C8orf34: variants seen among roughly 807,000 people sequenced by gnomAD.
C8orf34 encodes chromosome 8 open reading frame 34.
C8orf34 carries 65 observed loss-of-function variants against 68.3 expected under a neutral mutation model. That is an observed-to-expected ratio of 0.95 (90% CI 0.78 to 1.17). The LOEUF (loss-of-function observed/expected upper bound fraction) is 1.17, where lower values mean the gene tolerates loss of function less well. C8orf34 is among the 50% of genes most tolerant of loss of function. The probability of loss-of-function intolerance (pLI) is 0.00; values close to 1 mark genes in which losing one functional copy is unlikely to be tolerated. For synonymous variants in C8orf34, 244 were observed against 241.2 expected, an observed-to-expected ratio of 1.01 and a Z score of -0.11; for missense variants, 664 against 655.4, an observed-to-expected ratio of 1.01 and a Z score of -0.14.
chr8:68,397,695 G>A (rs1037719302), intron 1 of C8orf34, among the ~76,000 whole-genome samples: 28 of 151,992 alleles, frequency 1.8e-4, no homozygotes, highest in East Asian at 9.7e-4. Flanking sequence ...ACATTTTTAC[G>A]TTTGAAACAA....
At chr8:68,731,827 G>A (rs17389337) in intron 10 of C8orf34, among the ~76,000 whole-genome samples, 1 of 152,064 alleles carries the variant, frequency 6.6e-6, no homozygotes. Context: ...ACATAGAGTT[G>A]CCATACGTGA....
At chr8:68,527,722 A>G (rs1053916052) in intron 6 of C8orf34, among the ~76,000 whole-genome samples, 2 of 152,218 alleles carry the variant, frequency 1.3e-5, no homozygotes, top group African/African-American at 4.8e-5. Flanking sequence ...GTCTCTCTTC[A>G]GAAAGCTGTT....
chr8:68,757,520 C>T (rs189661027), intron 10 of C8orf34, among the ~76,000 whole-genome samples: 1,720 of 152,164 alleles, frequency 0.011, 29 homozygotes, highest in African/African-American at 0.037. Flanking sequence ...GTCCCAGCTT[C>T]TGAGGCAGGT....
chr8:68,403,265 T>G (rs1196563237), intron 1 of C8orf34, among the ~76,000 whole-genome samples: 1 of 152,214 alleles, frequency 6.6e-6, no homozygotes, highest in African/African-American at 2.4e-5. Context: ...CCTTACTGTC[T>G]TGCTCATTCT....
chr8:68,620,809 A>T (rs11783166), intron 7 of C8orf34, among the ~76,000 whole-genome samples: 47,259 of 151,398 alleles, frequency 0.31, 8,840 homozygotes, highest in Non-Finnish European at 0.41. Context: ...CCATTACCCA[A>T]TAAGATGGAG....
chr8:68,816,853 C>A (rs932416833), intron 13 of C8orf34, among the ~76,000 whole-genome samples: 1 of 151,746 alleles, frequency 6.6e-6, no homozygotes, highest in Non-Finnish European at 1.5e-5. Flanking sequence ...ACCTAATAAC[C>A]AAAAAAGAGA....
chr8:68,515,090 A>G (rs573455726), intron 5 of C8orf34, among the ~76,000 whole-genome samples: 83 of 152,302 alleles, frequency 5.4e-4, no homozygotes, highest in African/African-American at 1.9e-3. Flanking sequence ...TAGCTAGATT[A>G]TTGTAATCAT....
At chr8:68,721,192 G>A (rs766609494) in intron 9 of C8orf34, among the ~76,000 whole-genome samples, 169 bp from the exon 10 acceptor site, 3 of 151,736 alleles carry the variant, frequency 2.0e-5, no homozygotes, top group Non-Finnish European at 4.4e-5. Context: ...TTTTTCACAA[G>A]TTGTTTTTAA....
intron 5 of C8orf34, among the ~76,000 whole-genome samples, chr8:68,521,109 A>G (rs976739078): frequency 1.3e-5 from 2 of 152,194 alleles, no homozygotes; most frequent in African/African-American, 4.8e-5. Context: ...ATATACACTG[A>G]TATGAATTTT....
intron 7 of C8orf34, among the ~76,000 whole-genome samples, chr8:68,632,697 T>C (rs1287144231): frequency 6.6e-6 from 1 of 152,078 alleles, no homozygotes; most frequent in Non-Finnish European, 1.5e-5. Context: ...TGTTCAGCCT[T>C]GGGACATTGT....
chr8:68,415,153 C>G (rs537713950), intron 1 of C8orf34, among the ~76,000 whole-genome samples: 1 of 152,030 alleles, frequency 6.6e-6, no homozygotes, highest in Non-Finnish European at 1.5e-5. Context: ...TGTTTTCCAT[C>G]GTATGGAGAA....
chr8:68,485,724 A>ATAAATAAAT (rs1554561964), intron 4 of C8orf34, among the ~76,000 whole-genome samples: 1 of 147,200 alleles, frequency 6.8e-6, no homozygotes, highest in African/African-American at 2.5e-5. Context: ...AAAAAAATAA[A>ATAAATAAAT]AAATAAATAA....
At chr8:68,451,853 G>A (rs375159157) in intron 3 of C8orf34, among the ~76,000 whole-genome samples, 35 of 151,874 alleles carry the variant, frequency 2.3e-4, no homozygotes, top group African/African-American at 8.0e-4. Flanking sequence ...TTCAATGCAG[G>A]GTCCCCACGA....
chr8:68,663,259 G>A (rs1030001390), intron 8 of C8orf34, among the ~76,000 whole-genome samples: 2 of 152,172 alleles, frequency 1.3e-5, no homozygotes, highest in East Asian at 1.9e-4. Flanking sequence ...TGAAGTCTAA[G>A]ACAACTCTCT....
chr8:68,533,295 A>T, intron 7 of C8orf34, 146 bp downstream of exon 7: 1 of 1,382,372 alleles, frequency 7.2e-7, no homozygotes, highest in Non-Finnish European at 9.3e-7. Flanking sequence ...CATTAGACTC[A>T]CATAAAGTTG....
chr8:68,661,187 G>A (rs1390058619), intron 8 of C8orf34, among the ~76,000 whole-genome samples: 1 of 152,208 alleles, frequency 6.6e-6, no homozygotes, highest in East Asian at 1.9e-4. Flanking sequence ...ATTGGACGCA[G>A]CATGCACATG....
intron 8 of C8orf34, among the ~76,000 whole-genome samples, chr8:68,653,877 A>G (rs1016551605): frequency 6.6e-6 from 1 of 152,310 alleles, no homozygotes; most frequent in Middle Eastern, 3.4e-3. Flanking sequence ...CATATTGCCA[A>G]CTACTGAGAG....
At chr8:68,382,961 C>A (rs979568493) in intron 1 of C8orf34, among the ~76,000 whole-genome samples, 1 of 152,154 alleles carries the variant, frequency 6.6e-6, no homozygotes, top group South Asian at 2.1e-4. Flanking sequence ...GTTCCTCAGA[C>A]AGGAGCTAGA....
At chr8:68,730,333 C>T (rs533499237) in intron 10 of C8orf34, among the ~76,000 whole-genome samples, 3 of 152,104 alleles carry the variant, frequency 2.0e-5, no homozygotes, top group Admixed American at 6.6e-5. Flanking sequence ...ATTTCTTTTT[C>T]CTTCTGGCCT....
Sources: gnomAD v4.1 joint callset for allele counts (sites outside exome capture counted in the v4.1 genomes callset) on GRCh38, gnomAD v4.1.1 for gene constraint, MANE v1.5 for transcripts, NCBI Gene and HGNC (gene_info 2026-07-23, HGNC 2026-07-21) for gene names.